The following HYDIN variants were observed in gnomAD, a reference collection of about 807,000 sequenced individuals.
HYDIN encodes axonemal central pair apparatus protein HYDIN.
HYDIN carries 132 observed loss-of-function variants against 403.9 expected under a neutral mutation model. That is an observed-to-expected ratio of 0.33 (90% CI 0.28 to 0.38). The LOEUF (loss-of-function observed/expected upper bound fraction) is 0.38, where lower values mean the gene tolerates loss of function less well. HYDIN is among the 10% of genes least tolerant of loss of function. The pLI is 1.00. For synonymous variants in HYDIN, 1,202 were observed against 1,891.7 expected, an observed-to-expected ratio of 0.64 and a Z score of 9.46; for missense variants, 2,827 against 5,009.5, an observed-to-expected ratio of 0.56 and a Z score of 13.15.
At chr16:71,074,707 C>CAAAAA (rs59315287) in intron 13 of HYDIN, among the ~76,000 whole-genome samples, 431 of 85,722 alleles carry the variant, frequency 5.0e-3, no homozygotes, top group Non-Finnish European at 7.6e-3. Flanking sequence ...CAAAAAACAC[C>CAAAAA]AAAAAAAAAA....
intron 18 of HYDIN, among the ~76,000 whole-genome samples, chr16:71,040,955 C>T (rs1291716452): frequency 1.3e-5 from 2 of 149,610 alleles, no homozygotes; most frequent in African/African-American, 2.5e-5. Flanking sequence ...GAATGAATCA[C>T]GTCCTCCTCT....
At chr16:71,003,104 G>A (rs941553701) in intron 23 of HYDIN, among the ~76,000 whole-genome samples, 4 of 152,104 alleles carry the variant, frequency 2.6e-5, no homozygotes, top group Non-Finnish European at 5.9e-5. Flanking sequence ...GTAAGGGCCT[G>A]TTTCTGGGGT....
At chr16:71,137,512 A>G (rs1196405008) in intron 7 of HYDIN, among the ~76,000 whole-genome samples, 160 bp from the exon 8 acceptor site, 1 of 152,024 alleles carries the variant, frequency 6.6e-6, no homozygotes, top group Non-Finnish European at 1.5e-5. Flanking sequence ...ATATGATCAG[A>G]AAACAAATAT....
intron 21 of HYDIN, among the ~76,000 whole-genome samples, chr16:71,025,157 C>T (rs1016970019): frequency 8.7e-4 from 133 of 152,204 alleles, no homozygotes; most frequent in African/African-American, 3.0e-3. Context: ...AGGTCTTAGA[C>T]ATCAGGAATG....
At chr16:70,821,610 T>C (rs549823165) in intron 83 of HYDIN, among the ~76,000 whole-genome samples, 1 of 147,588 alleles carries the variant, frequency 6.8e-6, no homozygotes, top group Non-Finnish European at 1.5e-5. Context: ...CTGGCTGCTT[T>C]AAGCTTTTCT....
intron 7 of HYDIN, among the ~76,000 whole-genome samples, chr16:71,150,650 G>A (rs2085501568): frequency 6.6e-6 from 1 of 150,562 alleles, no homozygotes; most frequent in Non-Finnish European, 1.5e-5. Context: ...AGAAGGCAAA[G>A]ATTTCCTAGC....
chr16:70,902,819 A>ATTT (rs1444020291), intron 52 of HYDIN, among the ~76,000 whole-genome samples: 1 of 17,210 alleles, frequency 5.8e-5, no homozygotes, highest in African/African-American at 2.4e-4. Flanking sequence ...ATATATATAT[A>ATTT]TATTTTTTTT....
chr16:71,093,359 A>G (rs532759325), intron 11 of HYDIN, among the ~76,000 whole-genome samples: 2 of 152,208 alleles, frequency 1.3e-5, no homozygotes, highest in Admixed American at 1.3e-4. Flanking sequence ...GGTTTTTAAA[A>G]CATGGATTGG....
At chr16:71,049,634 T>G (rs2081568815) in intron 18 of HYDIN, among the ~76,000 whole-genome samples, 2 of 151,988 alleles carry the variant, frequency 1.3e-5, no homozygotes, top group African/African-American at 4.8e-5. Flanking sequence ...AGGTAATGAA[T>G]TCATTCTGGA....
intron 41 of HYDIN, among the ~76,000 whole-genome samples, chr16:70,947,628 T>C (rs1385796827): frequency 2.0e-5 from 3 of 151,994 alleles, no homozygotes; most frequent in Non-Finnish European, 4.4e-5. Context: ...CCAGTTCCTC[T>C]TTGTACCTCT....
rs567802973 is a variant in HYDIN, at chr16:70,831,368, G to C, written c.13899+1480C>G. Among the ~76,000 whole-genome samples, 149 of 150,224 alleles carry C rather than the reference G, an allele frequency of 9.9e-4. 1 individual carries two copies. The highest frequency in any genetic ancestry group is 3.4e-3 in the Middle Eastern group (1 of 294). On this transcript the variant is annotated intron_variant, in intron 80 of 85. Transcript: ENST00000393567. Reference sequence around the variant, plus strand: ...CTACTAAAAATATAAAAATTAGCTAGGCATGATGGTGGGGGCCTGTAATTC... The same window carrying C: ...CTACTAAAAATATAAAAATTAGCTACGCATGATGGTGGGGGCCTGTAATTC...
intron 23 of HYDIN, among the ~76,000 whole-genome samples, chr16:70,993,363 C>T (rs1239306412): frequency 6.6e-6 from 1 of 151,818 alleles, no homozygotes; most frequent in South Asian, 2.1e-4. Context: ...TAAAAAGTTG[C>T]TTTGTGCAAA....
chr16:70,913,098 T>G (rs902199161), intron 47 of HYDIN, among the ~76,000 whole-genome samples: 1 of 151,868 alleles, frequency 6.6e-6, no homozygotes, highest in Non-Finnish European at 1.5e-5. Flanking sequence ...GTTTCATTTA[T>G]CTTTCGTATT....
At chr16:71,115,645 A>C (rs747166792) in intron 10 of HYDIN, 51 bp downstream of exon 10, 1 of 896,434 alleles carries the variant, frequency 1.1e-6, no homozygotes, top group Non-Finnish European at 1.9e-6. Context: ...ACCACACTTC[A>C]TGCTCTGGGT....
chr16:71,093,047 T>C (rs1228114674), intron 11 of HYDIN, among the ~76,000 whole-genome samples: 2 of 146,670 alleles, frequency 1.4e-5, no homozygotes, highest in Non-Finnish European at 3.0e-5. Context: ...CACACACACA[T>C]AGACATGCAC....
At chr16:71,171,516 ATAT>A (rs1191511206) in intron 5 of HYDIN, among the ~76,000 whole-genome samples, 1 of 152,244 alleles carries the variant, frequency 6.6e-6, no homozygotes, top group Non-Finnish European at 1.5e-5. Context: ...AAATGAAATA[ATAT>A]TATTCATTTG....
chr16:71,173,939 T>G (rs1176683122), intron 5 of HYDIN, among the ~76,000 whole-genome samples: 5 of 152,182 alleles, frequency 3.3e-5, no homozygotes, highest in Admixed American at 2.6e-4. Flanking sequence ...TATTTCAAGC[T>G]GCACAAAGGA....
intron 84 of HYDIN, among the ~76,000 whole-genome samples, chr16:70,813,271 ACT>A (rs1264330964): frequency 1.3e-5 from 2 of 149,244 alleles, no homozygotes; most frequent in Non-Finnish European, 3.0e-5. Context: ...ATTCTTGTGC[ACT>A]CTTTCTCTTA....
intron 54 of HYDIN, 96 bp from the exon 55 acceptor site, chr16:70,894,644 G>A: frequency 1.4e-6 from 1 of 733,478 alleles, no homozygotes; most frequent in Non-Finnish European, 2.1e-6. Flanking sequence ...AAAACGCATG[G>A]TGACAGTTTA....
Sources: allele counts gnomAD v4.1 joint callset (sites outside exome capture counted in the v4.1 genomes callset), GRCh38; gene constraint gnomAD v4.1.1; transcripts MANE v1.5; gene names NCBI Gene and HGNC (gene_info 2026-07-23, HGNC 2026-07-21).